Variants in OXR1 observed in about 807,000 individuals in gnomAD.
OXR1 encodes oxidation resistance 1, also known as oxidation resistance protein 1.
Under a neutral mutation model 104.6 loss-of-function variants are expected in OXR1, and 41 were observed. The ratio of observed to expected loss-of-function variants is 0.39; its 90% CI spans 0.31 to 0.51. The LOEUF is 0.51. OXR1 is among the 20% of genes least tolerant of loss of function. The probability of loss-of-function intolerance (pLI) is 0.77; values close to 1 mark genes in which losing one functional copy is unlikely to be tolerated. For missense variants in OXR1, 955 were observed against 1,031.9 expected (o/e 0.93, Z 1.02); for synonymous variants, 348 against 348.4 (o/e 1.00, Z 0.01).
At chr8:106,526,644 G>T (rs1016632882) in intron 3 of OXR1, among the ~76,000 whole-genome samples, 2 of 152,118 alleles carry the variant, frequency 1.3e-5, no homozygotes, top group Admixed American at 1.3e-4. Context: ...CCGGGTTCAC[G>T]CCATTCTCCT....
chr8:106,481,367 C>G (rs1034910760), intron 2 of OXR1, among the ~76,000 whole-genome samples: 1 of 151,942 alleles, frequency 6.6e-6, no homozygotes, highest in Non-Finnish European at 1.5e-5. Context: ...TAAAGAGAGG[C>G]TGACTCTCAG....
intron 2 of OXR1, among the ~76,000 whole-genome samples, chr8:106,373,160 T>C (rs1424798623): frequency 6.6e-6 from 1 of 152,188 alleles, no homozygotes; most frequent in African/African-American, 2.4e-5. Context: ...TATATGTAAG[T>C]TCTGTATCAT....
chr8:106,318,904 A>T (rs1257862273), intron 1 of OXR1, among the ~76,000 whole-genome samples: 1 of 152,226 alleles, frequency 6.6e-6, no homozygotes, highest in Non-Finnish European at 1.5e-5. Context: ...AAGTCATTGT[A>T]ATAAATGAGG....
At chr8:106,414,887 C>T (rs893821987) in intron 2 of OXR1, among the ~76,000 whole-genome samples, 1 of 152,014 alleles carries the variant, frequency 6.6e-6, no homozygotes, top group Non-Finnish European at 1.5e-5. Flanking sequence ...TGTGGAGGAG[C>T]AATATGATTA....
intron 12 of OXR1, among the ~76,000 whole-genome samples, chr8:106,739,240 G>C (rs1046924491): frequency 4.6e-5 from 7 of 152,038 alleles, no homozygotes; most frequent in Admixed American, 3.3e-4. Flanking sequence ...TCATGTAGTG[G>C]ATGAGAAAAC....
chr8:106,291,058 G>T (rs901455816), intron 1 of OXR1, among the ~76,000 whole-genome samples: 3 of 152,100 alleles, frequency 2.0e-5, no homozygotes, highest in Non-Finnish European at 2.9e-5. Context: ...GCCCATTAGT[G>T]GTGGATTGTA....
intron 4 of OXR1, among the ~76,000 whole-genome samples, chr8:106,680,047 G>A (rs530250964): frequency 5.2e-4 from 79 of 152,050 alleles, no homozygotes; most frequent in African/African-American, 1.6e-3. Context: ...TTATGAAACC[G>A]TCCAGTCTTG....
chr8:106,486,577 T>G (rs1392648550), intron 2 of OXR1, among the ~76,000 whole-genome samples: 1 of 152,166 alleles, frequency 6.6e-6, no homozygotes, highest in Non-Finnish European at 1.5e-5. Flanking sequence ...TTCCTTTGTC[T>G]TTTTTGCAGT....
chr8:106,360,079 G>C (rs1051396900), intron 2 of OXR1, among the ~76,000 whole-genome samples: 3 of 152,188 alleles, frequency 2.0e-5, no homozygotes, highest in African/African-American at 4.8e-5. Flanking sequence ...AAACTGAATA[G>C]AACTGAAATA....
At chr8:106,288,556 T>C (rs199975629) in intron 1 of OXR1, among the ~76,000 whole-genome samples, 5 of 148,598 alleles carry the variant, frequency 3.4e-5, no homozygotes, top group African/African-American at 1.3e-4. Flanking sequence ...ATATATATAG[T>C]GTGTATATAT....
At chr8:106,316,717 CATCTATCTATCTATCTATCTATCTATCT>C (rs71307053) in intron 1 of OXR1, among the ~76,000 whole-genome samples, 1 of 118,638 alleles carries the variant, frequency 8.4e-6, no homozygotes, top group Non-Finnish European at 1.7e-5. Flanking sequence ...ATCTATCTAT[CATCTATCTATCTATCTATCTATCTATCT>C]ATCTATCTAT....
chr8:106,566,062 G>A (rs1167113319), intron 3 of OXR1, among the ~76,000 whole-genome samples: 1 of 152,128 alleles, frequency 6.6e-6, no homozygotes, highest in East Asian at 1.9e-4. Flanking sequence ...ACATAGGCAT[G>A]GGCAAAGACT....
At chr8:106,307,644 A>G (rs1813520778) in intron 1 of OXR1, among the ~76,000 whole-genome samples, 1 of 151,944 alleles carries the variant, frequency 6.6e-6, no homozygotes, top group Non-Finnish European at 1.5e-5. Context: ...CCCTATGTGG[A>G]TCTTTTGGAA....
chr8:106,394,611 C>A (rs925437298), intron 2 of OXR1, among the ~76,000 whole-genome samples: 4 of 151,946 alleles, frequency 2.6e-5, no homozygotes, highest in Admixed American at 6.6e-5. Context: ...AAGAGTGGGA[C>A]CTATTGATTT....
chr8:106,397,190 G>A (rs562012396), intron 2 of OXR1, among the ~76,000 whole-genome samples: 17 of 152,158 alleles, frequency 1.1e-4, no homozygotes, highest in African/African-American at 4.1e-4. Context: ...CACCATTTAA[G>A]TTTTGGTACT....
intron 3 of OXR1, among the ~76,000 whole-genome samples, chr8:106,625,397 T>C (rs1260487466): frequency 2.0e-5 from 3 of 152,198 alleles, no homozygotes. Context: ...AATGGATTTG[T>C]GACTTTGGTA....
intron 11 of OXR1, among the ~76,000 whole-genome samples, chr8:106,717,003 T>G (rs1235599198): frequency 6.6e-6 from 1 of 151,986 alleles, no homozygotes; most frequent in East Asian, 1.9e-4. Flanking sequence ...CTGGCCAATA[T>G]GGTAAAACCC....
rs188018569 is a variant in OXR1 at position 106,290,914 on chromosome 8, G to T, written c.-139+20547G>T. Among the ~76,000 whole-genome samples, 257 of 152,188 alleles carry T rather than the reference G, an allele frequency of 1.7e-3. 1 individual carries two copies. Among genetic ancestry groups the T allele is most frequent in the Middle Eastern group, 6.8e-3 (2 of 294 alleles). ...TTCTCAAATAACCTAAAACAGAGTT[G>T]CCATTTGACCCACTAATCCCATTGC... is the stretch of plus-strand genomic sequence containing the variant. On this transcript the variant is annotated intron_variant, in intron 1 of 16. Transcript: ENST00000517566.
intron 3 of OXR1, among the ~76,000 whole-genome samples, chr8:106,592,830 AG>A (rs1819201295): frequency 6.6e-6 from 1 of 152,188 alleles, no homozygotes; most frequent in Non-Finnish European, 1.5e-5. Context: ...TTATGGTATA[AG>A]GAGCTCACTC....
Sources: gnomAD v4.1 joint callset for allele counts (sites outside exome capture counted in the v4.1 genomes callset) on GRCh38, gnomAD v4.1.1 for gene constraint, MANE v1.5 for transcripts, NCBI Gene and HGNC (gene_info 2026-07-23, HGNC 2026-07-21) for gene names.